Variants in ZBTB10 observed in about 807,000 individuals in gnomAD.
ZBTB10 encodes zinc finger and BTB domain containing 10, also known as zinc finger and BTB domain-containing protein 10.
Under a neutral mutation model 76.4 loss-of-function variants are expected in ZBTB10, and 32 were observed. That is an observed-to-expected ratio of 0.42 (90% CI 0.32 to 0.56). The LOEUF (loss-of-function observed/expected upper bound fraction) is 0.56. ZBTB10 is among the 20% of genes least tolerant of loss of function. The pLI, the probability that ZBTB10 is intolerant of heterozygous loss-of-function variation, is 0.14. For synonymous variants in ZBTB10, 523 were observed against 432.9 expected, an observed-to-expected ratio of 1.21 and a Z score of -2.58; for missense variants, 1,057 against 1,098.5, an observed-to-expected ratio of 0.96 and a Z score of 0.53.
In ZBTB10 at chr8:80,486,902, C is replaced by T. The variant is rs1248083385; in HGVS notation, c.92C>T (p.Ala31Val). The change falls in exon 1 of 6, where the codon GCT (alanine) becomes GTT (valine). Residue 31 changes from alanine (A) to valine (V), a missense_variant. Physicochemically the swap from Ala to Val is moderately conservative, Grantham distance 64 (BLOSUM62 0). Coordinates refer to ENST00000455036, the MANE Select transcript of ZBTB10 (RefSeq NM_001105539.3). The stretch of plus-strand genomic sequence containing the variant: ...GGCGGCGGCTCCACGAACAATAACG[C>T]TGGCGGGGAGGCCTCAGCTTGGCCT... ...ASGGGSTNNN[A>V]GGEASAWPPQ... The T allele has an allele frequency of 2.0e-6, 3 of 1,511,090 alleles. No individual in the cohort carries two copies. Among genetic ancestry groups the T allele is most frequent in the Admixed American group, 2.1e-5 (1 of 47,796 alleles). The allele number at this position is 1,511,090 out of a possible 1,614,324, so 93.6% of individuals were successfully genotyped here. A position where few individuals can be genotyped will look rare whatever the true frequency, so the allele number is the denominator to read the frequency against.
intron 1 of ZBTB10, among the ~76,000 whole-genome samples, chr8:80,490,631 C>G (rs774753645): frequency 6.6e-6 from 1 of 152,164 alleles, no homozygotes; most frequent in Non-Finnish European, 1.5e-5. Flanking sequence ...GAGCCTATTT[C>G]TCATACATGC....
chr8:80,518,155 C>T (rs1816376584), intron 3 of ZBTB10, among the ~76,000 whole-genome samples: 1 of 152,024 alleles, frequency 6.6e-6, no homozygotes, highest in South Asian at 2.1e-4. Flanking sequence ...GCATGAGCCA[C>T]TGTGCCTGGC....
Position 80,500,214 on chromosome 8 carries a change from T to C in ZBTB10, c.1693T>C (p.Ser565Pro). 1 of 1,599,476 alleles carries C rather than the reference T, an allele frequency of 6.3e-7. No homozygotes were observed. Among genetic ancestry groups the C allele is most frequent in the Non-Finnish European group, 8.5e-7 (1 of 1,172,160 alleles). Residue 565 changes from serine (S) to proline (P), a missense_variant, in exon 2 of 6, where the codon TCC becomes CCC. Ser to Pro is a moderately conservative substitution (Grantham distance 74). Around this residue, in one of 5 missense-constraint regions of ZBTB10, gnomAD observed 306 missense variants for 297.5 expected, o/e 1.03. Transcript: ENST00000455036. ...AGTGTTTATTTGGAATAATATGGGCTCCCAGGGAATTCAAGAGACTGGCAA... is the reference window on the plus strand; with the variant it reads ...AGTGTTTATTTGGAATAATATGGGCCCCCAGGGAATTCAAGAGACTGGCAA... The part of the protein sequence containing the change: ...TKVFIWNNMG[S>P]QGIQETGKTR...
chr8:80,513,885 A>G, intron 2 of ZBTB10, 25 bp from the exon 3 acceptor site: 2 of 1,603,926 alleles, frequency 1.2e-6, no homozygotes, highest in African/African-American at 1.3e-5. Context: ...GTTTGTAGAT[A>G]AATTTTTCTA....
intron 2 of ZBTB10, among the ~76,000 whole-genome samples, chr8:80,508,962 G>C (rs571248340): frequency 1.3e-5 from 2 of 152,214 alleles, no homozygotes; most frequent in South Asian, 2.1e-4. Flanking sequence ...GCATGTACTG[G>C]GGGGACCTGT....
chr8:80,488,027 G>T (rs1343543606), intron 1 of ZBTB10, among the ~76,000 whole-genome samples: 1 of 125,872 alleles, frequency 7.9e-6, no homozygotes, highest in African/African-American at 4.6e-5. Flanking sequence ...CGTGGCGCTG[G>T]ATTTTCTTTT....
At chr8:80,510,639 A>AGTGTGGGTGTGTGT (rs60169757) in intron 2 of ZBTB10, among the ~76,000 whole-genome samples, 2 of 125,688 alleles carry the variant, frequency 1.6e-5, no homozygotes, top group Admixed American at 7.7e-5. Context: ...TTGTGAAACC[A>AGTGTGGGTGTGTGT]GTGTGTGTGT....
intron 1 of ZBTB10, among the ~76,000 whole-genome samples, chr8:80,497,457 A>G (rs983709514): frequency 3.5e-5 from 5 of 142,376 alleles, no homozygotes; most frequent in African/African-American, 5.4e-5. Flanking sequence ...TAGAGCATGG[A>G]ACATTATTAT....
intron 1 of ZBTB10, among the ~76,000 whole-genome samples, chr8:80,491,499 T>C (rs1815629930): frequency 1.3e-5 from 2 of 152,240 alleles, no homozygotes; most frequent in South Asian, 4.1e-4. Flanking sequence ...AATCCCTTGG[T>C]AGTTACCAAA....
chr8:80,496,590 G>T (rs777315162), intron 1 of ZBTB10, among the ~76,000 whole-genome samples: 26 of 152,116 alleles, frequency 1.7e-4, no homozygotes, highest in Admixed American at 7.2e-4. Flanking sequence ...TATTTTGGTG[G>T]ATAGGCTTTT....
In ZBTB10 at chr8:80,525,269, T is replaced by A. The variant is rs1348774162; in HGVS notation, c.*5741T>A. ...ATGACATAACTGTCTTTCTGAAGTT[T>A]AAAGAAAGAAAGTGAACTATAGAAA... On this transcript the variant is annotated 3_prime_UTR_variant, in exon 6 of 6. Coordinates refer to ENST00000455036, the MANE Select transcript of ZBTB10 (RefSeq NM_001105539.3). The A allele has an allele frequency of 6.6e-6, 1 of 152,100 alleles. No homozygotes were observed. The highest frequency in any genetic ancestry group is 1.5e-5 in the Non-Finnish European group (1 of 67,976). 9.4% of individuals were successfully genotyped at this position (152,100 alleles called of 1,614,324 possible). A position where few individuals can be genotyped will look rare whatever the true frequency, so the allele number is the denominator to read the frequency against.
chr8:80,497,072 A>G (rs999699181), intron 1 of ZBTB10, among the ~76,000 whole-genome samples: 4 of 152,238 alleles, frequency 2.6e-5, no homozygotes, highest in Non-Finnish European at 5.9e-5. Flanking sequence ...AGGGAAACCA[A>G]GTAAACAGAA....
chr8:80,517,724 AG>A (rs1485378317), intron 3 of ZBTB10, among the ~76,000 whole-genome samples: 1 of 152,092 alleles, frequency 6.6e-6, no homozygotes, highest in Non-Finnish European at 1.5e-5. Flanking sequence ...GCTGGGCTTT[AG>A]GGTGATAAAA....
At chr8:80,485,726 C>T, upstream of ZBTB10, 1 of 1,488,560 alleles carries the variant, frequency 6.7e-7, no homozygotes. Context: ...CTGGTCCAGT[C>T]TTTGTGAAGG....
At chr8:80,505,262 A>G (rs1038731318) in intron 2 of ZBTB10, among the ~76,000 whole-genome samples, 1 of 152,226 alleles carries the variant, frequency 6.6e-6, no homozygotes, top group South Asian at 2.1e-4. Context: ...TTCTACCAGG[A>G]TGACAAACTT....
rs186685237 is a variant in ZBTB10 at position 80,519,339 on chromosome 8, A to G, written c.2427A>G (p.Ala809=). The G allele has an allele frequency of 1.1e-4, 184 of 1,613,718 alleles. No homozygotes were observed. The African/African-American group carries it at 2.2e-3, about 20-fold the overall frequency. The part of the protein sequence containing the change: ...SRRYGVCVDC[A]DKSQPGGQEG... ...GTTATGGTGTTTGTGTAGACTGTGCAGATAAATCACAGCCAGGAGGGCAAG... is the reference window on the plus strand; with the variant it reads ...GTTATGGTGTTTGTGTAGACTGTGCGGATAAATCACAGCCAGGAGGGCAAG... The change falls in exon 6 of 6, where the codon GCA becomes GCG. Residue 809 remains alanine, a synonymous_variant. Transcript: ENST00000455036.
chr8:80,492,973 G>T (rs925641024), intron 1 of ZBTB10, among the ~76,000 whole-genome samples: 4 of 151,854 alleles, frequency 2.6e-5, no homozygotes, highest in Non-Finnish European at 4.4e-5. Context: ...CAGCACTTTG[G>T]GAGGCCGAGG....
At chr8:80,496,369 C>CT (rs537668345) in intron 1 of ZBTB10, among the ~76,000 whole-genome samples, 1,484 of 127,230 alleles carry the variant, frequency 0.012, 13 homozygotes, top group African/African-American at 0.021. Context: ...TATGTGGTTT[C>CT]TTTTTTTTTT....
chr8:80,502,131 C>T (rs1815940148), intron 2 of ZBTB10, among the ~76,000 whole-genome samples: 1 of 152,182 alleles, frequency 6.6e-6, no homozygotes, highest in African/African-American at 2.4e-5. Flanking sequence ...TCAAAGATGA[C>T]ATTACTAGCA....
Sources: gnomAD v4.1 joint callset for allele counts (sites outside exome capture counted in the v4.1 genomes callset) on GRCh38, gnomAD v4.1.1 for gene constraint, gnomAD v4.1.1 regional missense constraint, MANE v1.5 for transcripts, NCBI Gene and HGNC (gene_info 2026-07-23, HGNC 2026-07-21) for gene names.